The following MICU3 variants were observed in gnomAD, a reference collection of about 807,000 sequenced individuals.
MICU3 encodes calcium uptake protein 3, mitochondrial.
Under a neutral mutation model 66.5 loss-of-function variants are expected in MICU3, and 62 were observed. The ratio of observed to expected loss-of-function variants is 0.93; its 90% CI spans 0.76 to 1.15. The LOEUF is 1.15. Among genes scored for constraint, MICU3 ranks in the 50% most tolerant of loss-of-function variants. MICU3 has a pLI of 0.00. For missense variants in MICU3, 779 were observed against 664.4 expected (o/e 1.17, Z -1.90); for synonymous variants, 308 against 240.7 (o/e 1.28, Z -2.59).
intron 9 of MICU3, among the ~76,000 whole-genome samples, chr8:17,100,737 G>C (rs562942740): frequency 3.3e-5 from 5 of 151,544 alleles, no homozygotes; most frequent in Admixed American, 2.6e-4. Flanking sequence ...GTAAAACTCC[G>C]TGTCTCCAAT....
chr8:17,051,358 A>C (rs1054117294), intron 1 of MICU3, among the ~76,000 whole-genome samples: 2 of 152,216 alleles, frequency 1.3e-5, no homozygotes, highest in African/African-American at 4.8e-5. Context: ...TCTTCTAGGC[A>C]CTGGGGAAAC....
intron 1 of MICU3, among the ~76,000 whole-genome samples, chr8:17,034,314 A>C (rs1812596899): frequency 6.6e-6 from 1 of 152,262 alleles, no homozygotes; most frequent in Non-Finnish European, 1.5e-5. Context: ...TTGACAATGT[A>C]CGTAGTCACC....
At chr8:17,130,789 A>G in the MICU3 span, among the ~76,000 whole-genome samples, 1 of 152,198 alleles carries the variant, frequency 6.6e-6, no homozygotes, top group Non-Finnish European at 1.5e-5. Flanking sequence ...AAAAATGGGT[A>G]CAACAAATAG....
At chr8:17,117,503 A>G (rs1286181754) in intron 13 of MICU3, among the ~76,000 whole-genome samples, 2 of 152,186 alleles carry the variant, frequency 1.3e-5, no homozygotes, top group Non-Finnish European at 1.5e-5. Flanking sequence ...TATCTAACAT[A>G]TTATGGATGT....
In MICU3 at chr8:17,027,675, G is replaced by T; in HGVS notation, c.381+15G>T. 1 of 1,283,368 alleles carries T rather than the reference G, an allele frequency of 7.8e-7. No individual in the cohort carries two copies. The highest frequency in any genetic ancestry group is 9.8e-7 in the Non-Finnish European group (1 of 1,017,956). 79.5% of individuals were successfully genotyped at this position (1,283,368 alleles called of 1,614,324 possible). On this transcript the variant is annotated intron_variant, in intron 1 of 14. Transcript: ENST00000318063. ...CCAAGGAGACGGTGAGTGCGCGAGCGCGCGTCACACCTGCGCGGGGGATGT... is the reference window on the plus strand; with the variant it reads ...CCAAGGAGACGGTGAGTGCGCGAGCTCGCGTCACACCTGCGCGGGGGATGT...
At chr8:17,116,632 C>A (rs367545495) in intron 13 of MICU3, 32 bp downstream of exon 13, 26 of 1,466,288 alleles carry the variant, frequency 1.8e-5, no homozygotes, top group Non-Finnish European at 2.3e-5. Context: ...CTATTGATAT[C>A]CTTTTTAAAG....
chr8:17,075,642 A>C (rs1357828852), intron 3 of MICU3, among the ~76,000 whole-genome samples: 1 of 152,172 alleles, frequency 6.6e-6, no homozygotes, highest in Non-Finnish European at 1.5e-5. Flanking sequence ...GAATGTGTTG[A>C]TTGGATGATT....
At position 17,027,634 on chromosome 8, in the gene MICU3, A is replaced by G; in HGVS notation, c.355A>G (p.Ile119Val). 7.7e-7 allele frequency: 1 copy of G among 1,304,968 alleles called. No individual in the cohort carries two copies. The highest frequency in any genetic ancestry group is 2.3e-5 in the South Asian group (1 of 43,576). 80.8% of individuals were successfully genotyped at this position (1,304,968 alleles called of 1,614,324 possible). Reference sequence around the variant, plus strand: ...GCCCCGCGGCCGGGGGATGCTGCCCATCCCAGTGGCGGCTGCCAAGGAGAC... The same window carrying G: ...GCCCCGCGGCCGGGGGATGCTGCCCGTCCCAGTGGCGGCTGCCAAGGAGAC... ...DPPRGRGMLP[I>V]PVAAAKETVA... The change falls in exon 1 of 15, where the codon ATC becomes GTC. Residue 119 changes from isoleucine to valine, a missense_variant. Ile to Val is a conservative substitution (Grantham distance 29). Coordinates refer to ENST00000318063, the MANE Select transcript of MICU3 (RefSeq NM_181723.3).
intron 2 of MICU3, among the ~76,000 whole-genome samples, chr8:17,064,800 A>G (rs1330973736): frequency 4.6e-5 from 7 of 152,204 alleles, no homozygotes; most frequent in Non-Finnish European, 7.3e-5. Flanking sequence ...CATGAAATAT[A>G]TGAAGAAAAT....
chr8:17,065,913 A>G (rs1351062414), intron 2 of MICU3, among the ~76,000 whole-genome samples: 4 of 152,194 alleles, frequency 2.6e-5, no homozygotes, highest in Non-Finnish European at 2.9e-5. Context: ...AATTAAAAAA[A>G]AGATTTTAAC....
At chr8:17,050,860 G>A (rs1416343048) in intron 1 of MICU3, among the ~76,000 whole-genome samples, 2 of 151,984 alleles carry the variant, frequency 1.3e-5, no homozygotes, top group Non-Finnish European at 2.9e-5. Context: ...TTCAATGGGG[G>A]GGTTTAAACC....
At chr8:17,077,093 C>T (rs910194363) in intron 3 of MICU3, among the ~76,000 whole-genome samples, 2 of 152,068 alleles carry the variant, frequency 1.3e-5, no homozygotes, top group Non-Finnish European at 2.9e-5. Context: ...CTAAATTCTC[C>T]AGTAGTTTCC....
chr8:17,125,126 TG>T (rs1487552314), downstream of MICU3, among the ~76,000 whole-genome samples: 424 of 70,964 alleles, frequency 6.0e-3, no homozygotes, highest in African/African-American at 0.029. Flanking sequence ...GAATCTCCTA[TG>T]AGTATAGCCT....
chr8:17,043,983 A>G (rs1814645470), intron 1 of MICU3, among the ~76,000 whole-genome samples: 1 of 152,260 alleles, frequency 6.6e-6, no homozygotes, highest in Admixed American at 6.5e-5. Flanking sequence ...AATAATTAAA[A>G]TCCTGAAGTT....
At chr8:17,072,126 A>C (rs10090288) in intron 3 of MICU3, among the ~76,000 whole-genome samples, 27,064 of 152,062 alleles carry the variant, frequency 0.18, 3,976 homozygotes, top group African/African-American at 0.4. Flanking sequence ...GATGAGAATA[A>C]TGGGGTTGAT....
chr8:17,054,985 C>T (rs929216938), intron 1 of MICU3, among the ~76,000 whole-genome samples: 2 of 152,064 alleles, frequency 1.3e-5, no homozygotes, highest in Non-Finnish European at 2.9e-5. Flanking sequence ...GATCCGCCTG[C>T]CTCAGCCTCC....
intron 11 of MICU3, among the ~76,000 whole-genome samples, chr8:17,110,084 G>A (rs1802061281): frequency 6.6e-6 from 1 of 152,256 alleles, no homozygotes; most frequent in Admixed American, 6.5e-5. Context: ...TAATTTATGG[G>A]ATCAGCATGA....
At chr8:17,131,221 C>G in the MICU3 span, 1 of 152,144 alleles carries the variant, frequency 6.6e-6, no homozygotes, top group Non-Finnish European at 1.5e-5. Flanking sequence ...CAGGAGCAAC[C>G]GTTATGGCTA....
chr8:17,090,832 A>G (rs1290670657), intron 8 of MICU3: 5 of 333,466 alleles, frequency 1.5e-5, no homozygotes, highest in South Asian at 1.8e-4. Context: ...TAAGTGTACA[A>G]CAATTAAAAC....
Sources: gnomAD v4.1 joint callset for allele counts (sites outside exome capture counted in the v4.1 genomes callset) on GRCh38, gnomAD v4.1.1 for gene constraint, MANE v1.5 for transcripts, NCBI Gene and HGNC (gene_info 2026-07-23, HGNC 2026-07-21) for gene names.